Variants in TMEM38B observed in about 807,000 individuals in gnomAD.
TMEM38B encodes the protein trimeric intracellular cation channel type B.
TMEM38B carries 24 observed loss-of-function variants against 28.7 expected under a neutral mutation model. The observed-to-expected ratio is 0.84, with a 90% CI of 0.61 to 1.18. The LOEUF (loss-of-function observed/expected upper bound fraction) is 1.18. Ranked by LOEUF, TMEM38B falls within the 50% of genes most tolerant of loss-of-function variation. The pLI is 0.00. For synonymous variants in TMEM38B, 131 were observed against 127.7 expected, an observed-to-expected ratio of 1.03 and a Z score of -0.17; for missense variants, 380 against 350.9, an observed-to-expected ratio of 1.08 and a Z score of -0.66.
chr9:105,751,796 C>T (rs1367328838), intron 5 of TMEM38B, among the ~76,000 whole-genome samples: 2 of 152,162 alleles, frequency 1.3e-5, no homozygotes, highest in Admixed American at 6.5e-5. Context: ...AGGAAGGGTC[C>T]CCCACAATGC....
rs556102199 is a variant in TMEM38B at position 105,750,712 on chromosome 9, G to T, written c.660+2522G>T. Among the ~76,000 whole-genome samples, 12 of 152,208 alleles carry T rather than the reference G, an allele frequency of 7.9e-5. 1 individual carries two copies. Among genetic ancestry groups the T allele is most frequent in the African/African-American group, 2.6e-4 (11 of 41,530 alleles). Reference sequence around the variant, plus strand: ...CTTTGTGTGTCATAGCTAAGAAACCGTTGCCAAATCTAAGGTCATGAAGAT... The same window carrying T: ...CTTTGTGTGTCATAGCTAAGAAACCTTTGCCAAATCTAAGGTCATGAAGAT... On this transcript the variant is annotated intron_variant, in intron 5 of 5. Coordinates refer to ENST00000374692, the MANE Select transcript of TMEM38B (RefSeq NM_018112.3).
intron 2 of TMEM38B, among the ~76,000 whole-genome samples, chr9:105,713,308 C>T (rs1464727254): frequency 7.2e-5 from 11 of 152,238 alleles, no homozygotes; most frequent in Non-Finnish European, 1.5e-4. Context: ...GCTGCAGACC[C>T]AGGCATACCT....
intron 5 of TMEM38B, among the ~76,000 whole-genome samples, chr9:105,749,734 TC>T (rs1837575940): frequency 6.6e-6 from 1 of 152,236 alleles, no homozygotes; most frequent in Admixed American, 6.5e-5. Context: ...CCCCAATACT[TC>T]CAGCTATAGG....
intron 4 of TMEM38B, among the ~76,000 whole-genome samples, chr9:105,743,469 A>C (rs1245464927): frequency 6.6e-6 from 1 of 152,092 alleles, no homozygotes; most frequent in African/African-American, 2.4e-5. Flanking sequence ...TATCTTTTTT[A>C]CTTGTAAGAT....
intron 1 of TMEM38B, chr9:105,702,854 T>C (rs1835506548): frequency 1.3e-5 from 2 of 152,004 alleles, no homozygotes; most frequent in South Asian, 4.2e-4. Context: ...TAATTTTTTA[T>C]ATTTTGTGGA....
chr9:105,765,563 G>A (rs1826344953), intron 5 of TMEM38B, among the ~76,000 whole-genome samples: 1 of 152,086 alleles, frequency 6.6e-6, no homozygotes, highest in Admixed American at 6.6e-5. Flanking sequence ...CTACAGATTA[G>A]TGTTTTCTGT....
At chr9:105,695,960 T>A (rs958093649) in intron 1 of TMEM38B, among the ~76,000 whole-genome samples, 2 of 152,218 alleles carry the variant, frequency 1.3e-5, no homozygotes, top group African/African-American at 4.8e-5. Flanking sequence ...AGAATTTGAT[T>A]AAAAAAATTT....
chr9:105,765,784 A>G (rs941848294), intron 5 of TMEM38B, among the ~76,000 whole-genome samples: 1 of 152,088 alleles, frequency 6.6e-6, no homozygotes, highest in Admixed American at 6.6e-5. Flanking sequence ...CTGTACACAG[A>G]CACATATTTT....
chr9:105,754,347 C>T (rs1419025812), intron 5 of TMEM38B, among the ~76,000 whole-genome samples: 2 of 152,202 alleles, frequency 1.3e-5, no homozygotes, highest in African/African-American at 2.4e-5. Context: ...TTCTCATTGC[C>T]ACACAGCACT....
intron 5 of TMEM38B, among the ~76,000 whole-genome samples, chr9:105,757,051 C>T (rs1837860180): frequency 6.6e-6 from 1 of 152,050 alleles, no homozygotes; most frequent in African/African-American, 2.4e-5. Context: ...TTTTGTCCTT[C>T]ATCTCTCTCC....
At chr9:105,749,174 C>A in intron 5 of TMEM38B, 2 of 1,193,184 alleles carry the variant, frequency 1.7e-6, no homozygotes, top group Non-Finnish European at 1.1e-6. Context: ...AAATGTTGAG[C>A]CGTGTATATT....
At chr9:105,761,078 T>G (rs560028311) in intron 5 of TMEM38B, among the ~76,000 whole-genome samples, 2 of 152,226 alleles carry the variant, frequency 1.3e-5, no homozygotes, top group Non-Finnish European at 2.9e-5. Context: ...TAAACTATAA[T>G]TCTGTTTTTA....
rs138087393 is a variant in TMEM38B, at chr9:105,720,084, A to G, written c.270-1453A>G. 7.9e-3 allele frequency among the ~76,000 whole-genome samples: 1,206 copies of G among 152,178 alleles called. 9 individuals are homozygous for G. The highest frequency in any genetic ancestry group is 0.027 in the African/African-American group (1,126 of 41,572). On this transcript the variant is annotated intron_variant, in intron 2 of 5. Transcript: ENST00000374692. ...TTAAAAATCTTATAGAACATGTACA[A>G]TTTTAAAGCCATACAAATGGTCTTC...
At chr9:105,733,864 G>A (rs1836866246) in intron 4 of TMEM38B, among the ~76,000 whole-genome samples, 1 of 151,756 alleles carries the variant, frequency 6.6e-6, no homozygotes, top group Admixed American at 6.6e-5. Flanking sequence ...TTTTTGCTGA[G>A]CGTAGCTAAG....
rs1249397002 is a variant in TMEM38B at position 105,758,509 on chromosome 9, G to A, written c.660+10319G>A. The A allele has an allele frequency of 2.3e-5, 29 of 1,281,624 alleles. No homozygotes were observed. The South Asian group carries it at 2.7e-4, about 12-fold the overall frequency. 79.4% of individuals were successfully genotyped at this position (1,281,624 alleles called of 1,614,324 possible). On this transcript the variant is annotated intron_variant, in intron 5 of 5. Coordinates refer to ENST00000374692, the MANE Select transcript of TMEM38B (RefSeq NM_018112.3). ...TATGACCTATTAAGAAATAATAACAGTTTTGGTCCTAAAGTTACAAGACAA... is the reference window on the plus strand; with the variant it reads ...TATGACCTATTAAGAAATAATAACAATTTTGGTCCTAAAGTTACAAGACAA...
chr9:105,714,361 C>T (rs933649592), intron 2 of TMEM38B, among the ~76,000 whole-genome samples: 5 of 152,290 alleles, frequency 3.3e-5, no homozygotes, highest in Admixed American at 1.3e-4. Context: ...TCTTCCTGGA[C>T]GCAGGACAAG....
At chr9:105,732,047 C>G (rs1180830945) in intron 4 of TMEM38B, among the ~76,000 whole-genome samples, 1 of 152,166 alleles carries the variant, frequency 6.6e-6, no homozygotes, top group African/African-American at 2.4e-5. Context: ...TTGCATTTCT[C>G]TCATGACCAG....
At chr9:105,770,168 C>T (rs1319011399) in intron 5 of TMEM38B, among the ~76,000 whole-genome samples, 2 of 152,002 alleles carry the variant, frequency 1.3e-5, no homozygotes, top group African/African-American at 4.8e-5. Context: ...TTCTTAGGTG[C>T]TTTTGGGGAT....
Position 105,705,662 on chromosome 9 carries a change from G to A in TMEM38B, c.178G>A (p.Gly60Ser). Residue 60 changes from glycine to serine, a missense_variant, in exon 2 of 6, where the codon GGT becomes AGT. Transcript: ENST00000374692. Reference sequence around the variant, plus strand: ...GTTTACTGCTATGCTCCACTGTTTTGGTGGAGGAATTTTATCCTGTCTACT... The same window carrying A: ...GTTTACTGCTATGCTCCACTGTTTTAGTGGAGGAATTTTATCCTGTCTACT... ...SWFTAMLHCF[G>S]GGILSCLLLA... 6.2e-7 allele frequency: 1 copy of A among 1,613,944 alleles called. No individual in the cohort carries two copies. The highest frequency in any genetic ancestry group is 8.5e-7 in the Non-Finnish European group (1 of 1,179,942).
Sources: allele counts gnomAD v4.1 joint callset (sites outside exome capture counted in the v4.1 genomes callset), GRCh38; gene constraint gnomAD v4.1.1; transcripts MANE v1.5; gene names NCBI Gene and HGNC (gene_info 2026-07-23, HGNC 2026-07-21).